TCF20: variants seen among roughly 807,000 people sequenced by gnomAD.
TCF20 encodes the protein SPRE-binding protein.
A neutral mutation model predicts 148.6 loss-of-function variants in TCF20; 3 were observed. The ratio of observed to expected loss-of-function variants is 0.02; its 90% CI spans 0.01 to 0.05. The LOEUF (loss-of-function observed/expected upper bound fraction) is 0.05, where lower values mean the gene tolerates loss of function less well. Ranked by LOEUF, TCF20 falls within the 10% of genes least tolerant of loss-of-function variation. TCF20 has a pLI of 1.00. For synonymous variants in TCF20, 1,049 were observed against 909.5 expected (o/e 1.15, Z -2.76); for missense variants, 2,350 against 2,429.3 (o/e 0.97, Z 0.69).
In TCF20 at chr22:42,248,714, TGATGAAATCCCAAAA is replaced by T. The variant is rs1293250173; in HGVS notation, c.-37+21610_-37+21624del. On this transcript the variant is annotated intron_variant, in intron 1 of 5. Coordinates refer to ENST00000677622, the MANE Select transcript of TCF20 (RefSeq NM_001378418.1). Reference sequence around the variant, plus strand: ...AACCCCAAAAGATTAAAATCCCAAATGATGAAATCCCAAAAGCCGAATTTTGGGGCAGGGAATTTG... The same window carrying T: ...AACCCCAAAAGATTAAAATCCCAAATGCCGAATTTTGGGGCAGGGAATTTG... 2.0e-5 allele frequency among the ~76,000 whole-genome samples: 3 copies of T among 152,210 alleles called. No homozygotes were observed. The East Asian group carries it at 5.8e-4, about 29-fold the overall frequency.
chr22:42,217,667 A>C (rs1010424729), intron 1 of TCF20, among the ~76,000 whole-genome samples: 1 of 152,204 alleles, frequency 6.6e-6, no homozygotes, highest in Non-Finnish European at 1.5e-5. Context: ...GAGTGACATG[A>C]GAGAATTATA....
chr22:42,179,463 T>G (rs1601532755), intron 3 of TCF20, 146 bp downstream of exon 3: 2 of 528,578 alleles, frequency 3.8e-6, no homozygotes, highest in Non-Finnish European at 6.4e-6. Flanking sequence ...GTGCTGCTAA[T>G]GGGTGGGAAG....
chr22:42,274,180 G>T (rs1449169520), upstream of TCF20: 2 of 152,726 alleles, frequency 1.3e-5, no homozygotes, highest in Non-Finnish European at 2.9e-5. Context: ...TCTGCAGTCT[G>T]CCAGGAGGCA....
chr22:42,243,310 A>AAAAAAAAAAAAAAAAAAAAAAC lies in TCF20; in HGVS notation c.-37+27028_-37+27029insGTTTTTTTTTTTTTTTTTTTTT, dbSNP rs1569180401. Among the ~76,000 whole-genome samples the AAAAAAAAAAAAAAAAAAAAAAC allele has an allele frequency of 5.8e-4, 82 of 140,934 alleles. 3 individuals carry two copies. The highest frequency in any genetic ancestry group is 2.3e-3 in the African/African-American group (77 of 32,998). 92.5% of individuals were successfully genotyped at this position (140,934 alleles called of 152,430 possible). A position where few individuals can be genotyped will look rare whatever the true frequency, so the allele number is the denominator to read the frequency against. The stretch of plus-strand genomic sequence containing the variant: ...ACTGTCTCAAAAAAAAAAAAAAAAA[A>AAAAAAAAAAAAAAAAAAAAAAC]AAAAAAAAAAAGTCAGGCATGATGG... On this transcript the variant is annotated intron_variant, in intron 1 of 5. Coordinates refer to ENST00000677622, the MANE Select transcript of TCF20 (RefSeq NM_001378418.1).
intron 1 of TCF20, among the ~76,000 whole-genome samples, chr22:42,246,301 C>T (rs968465156): frequency 6.6e-6 from 1 of 152,156 alleles, no homozygotes; most frequent in African/African-American, 2.4e-5. Context: ...GACAGGGTTT[C>T]GCCATGTTGG....
chr22:42,180,283 G>T (rs1404070005), intron 2 of TCF20, among the ~76,000 whole-genome samples: 1 of 152,050 alleles, frequency 6.6e-6, no homozygotes, highest in Non-Finnish European at 1.5e-5. Context: ...TGTGCAAATG[G>T]TATTTTTATA....
Position 42,324,128 on chromosome 22 carries a change from T to A in TCF20, c.-37+19351A>T, listed in dbSNP as rs1160174867. ...GTGGTGGTGGTGGTGGTGGTTATGG[T>A]GGTGGTGGTGGTGGTGGTGATAGAG... On this transcript the variant is annotated intron_variant, in intron 1 of 1. Coordinates refer to the TCF20 transcript ENST00000515426. Among the ~76,000 whole-genome samples the A allele has an allele frequency of 8.5e-4, 88 of 103,822 alleles. 1 individual carries two copies. Among genetic ancestry groups the A allele is most frequent in the African/African-American group, 1.9e-3 (42 of 22,260 alleles). 68.1% of individuals were successfully genotyped at this position (103,822 alleles called of 152,430 possible).
chr22:42,326,290 G>GC (rs943241212), intron 1 of TCF20, among the ~76,000 whole-genome samples: 1 of 152,052 alleles, frequency 6.6e-6, no homozygotes, highest in African/African-American at 2.4e-5. Context: ...CTCACCCTCT[G>GC]CCCCCCACAG....
At chr22:42,272,364 G>T (rs564158483), upstream of TCF20, among the ~76,000 whole-genome samples, 21 of 152,296 alleles carry the variant, frequency 1.4e-4, no homozygotes, top group South Asian at 3.9e-3. Flanking sequence ...GAAGACTGGT[G>T]TTGGGGGCAC....
At chr22:42,274,986 A>C (rs1369510783), upstream of TCF20, 3 of 152,260 alleles carry the variant, frequency 2.0e-5, no homozygotes, top group African/African-American at 4.8e-5. Flanking sequence ...CCTATTTTAC[A>C]GATGGGGCCA....
chr22:42,250,285 T>C (rs1925255613), intron 1 of TCF20, among the ~76,000 whole-genome samples: 1 of 151,644 alleles, frequency 6.6e-6, no homozygotes. Flanking sequence ...CAAAAATTAA[T>C]AATACAAAAA....
chr22:42,318,936 G>A (rs911735358), intron 1 of TCF20, among the ~76,000 whole-genome samples: 4 of 152,180 alleles, frequency 2.6e-5, no homozygotes, highest in Non-Finnish European at 5.9e-5. Flanking sequence ...CTGCCCAATG[G>A]AGCTTAGGGC....
intron 3 of TCF20, among the ~76,000 whole-genome samples, chr22:42,176,236 T>G: frequency 6.6e-6 from 1 of 152,234 alleles, no homozygotes; most frequent in Non-Finnish European, 1.5e-5. Flanking sequence ...CTACCTCTCT[T>G]GTTCTTTTTA....
At chr22:42,164,195 G>A (rs1487926280) in intron 5 of TCF20, among the ~76,000 whole-genome samples, 2 of 150,784 alleles carry the variant, frequency 1.3e-5, no homozygotes, top group South Asian at 2.1e-4. Flanking sequence ...TTTTCCCTGG[G>A]ATGCACTCAT....
At chr22:42,293,787 G>A (rs552716508) in intron 1 of TCF20, among the ~76,000 whole-genome samples, 1 of 152,218 alleles carries the variant, frequency 6.6e-6, no homozygotes, top group Non-Finnish European at 1.5e-5. Flanking sequence ...AGATCACGAG[G>A]TCAGGAGTTT....
In TCF20 at chr22:42,169,888, G is replaced by C; in HGVS notation, c.5758C>G (p.Leu1920Val). The change falls in exon 4 of 6, where the codon CTA becomes GTA. Residue 1920 changes from leucine (L) to valine (V), a missense_variant. Leu to Val is a conservative substitution (Grantham distance 32). Transcript: ENST00000677622. ...YPCAIDADCLLHEENFSVRCP... is the reference protein window; with the variant it reads ...YPCAIDADCLVHEENFSVRCP... ...CTCACCGAGAAGTTCTCCTCATGTAGCAAACAATCTGGAAGACAGAAGGGG... is the reference window on the plus strand; with the variant it reads ...CTCACCGAGAAGTTCTCCTCATGTACCAAACAATCTGGAAGACAGAAGGGG... 12 of 1,613,516 alleles carry C rather than the reference G, an allele frequency of 7.4e-6. No homozygotes were observed. Among genetic ancestry groups the C allele is most frequent in the Non-Finnish European group, 1.0e-5 (12 of 1,180,010 alleles).
chr22:42,197,539 G>A (rs1308286643), intron 2 of TCF20, among the ~76,000 whole-genome samples: 2 of 152,036 alleles, frequency 1.3e-5, no homozygotes, highest in Non-Finnish European at 2.9e-5. Context: ...AGCCAGGATG[G>A]TCTCGATCTC....
Position 42,211,374 on chromosome 22 carries a change from A to T in TCF20, c.3932T>A (p.Ile1311Asn). The change falls in exon 2 of 6, where the codon ATC (isoleucine) becomes AAC (asparagine). Residue 1311 changes from isoleucine to asparagine, a missense_variant. Coordinates refer to ENST00000677622, the MANE Select transcript of TCF20 (RefSeq NM_001378418.1). Reference protein sequence around the residue: ...HLSHSQDIKSIPKRDSSKDLP... With the variant: ...HLSHSQDIKSNPKRDSSKDLP... ...GTCCTTGGAGGAATCTCTCTTAGGG[A>T]TAGACTTGATATCCTGACTGTGAGA... 1.2e-6 allele frequency: 2 copies of T among 1,614,146 alleles called. No individual in the cohort carries two copies. The highest frequency in any genetic ancestry group is 1.7e-6 in the Non-Finnish European group (2 of 1,180,010).
chr22:42,243,115 G>T (rs762555298), intron 1 of TCF20, among the ~76,000 whole-genome samples: 11 of 151,626 alleles, frequency 7.3e-5, no homozygotes, highest in Non-Finnish European at 1.5e-4. Flanking sequence ...GTATAATACT[G>T]TATTAGCAGA....
Sources: gnomAD v4.1 joint callset for allele counts (sites outside exome capture counted in the v4.1 genomes callset) on GRCh38, gnomAD v4.1.1 for gene constraint, MANE v1.5 for transcripts, NCBI Gene and HGNC (gene_info 2026-07-23, HGNC 2026-07-21) for gene names.